The following RBMS1 variants were observed in gnomAD, a reference collection of about 807,000 sequenced individuals.
RBMS1 encodes the protein RNA binding motif single stranded interacting protein 1, also known as RNA-binding motif, single-stranded-interacting protein 1.
RBMS1 carries 17 observed loss-of-function variants against 62.3 expected under a neutral mutation model. That is an observed-to-expected ratio of 0.27 (90% confidence interval 0.19 to 0.41). RBMS1 has a LOEUF of 0.41. RBMS1 is among the 10% of genes least tolerant of loss of function. The pLI, the probability that RBMS1 is intolerant of heterozygous loss-of-function variation, is 1.00. For synonymous variants in RBMS1, 172 were observed against 170.0 expected (o/e 1.01, Z -0.09); for missense variants, 334 against 504.5 (o/e 0.66, Z 3.24).
At chr2:160,454,845 C>A (rs1684152089) in intron 1 of RBMS1, among the ~76,000 whole-genome samples, 1 of 152,140 alleles carries the variant, frequency 6.6e-6, no homozygotes, top group African/African-American at 2.4e-5. Flanking sequence ...ATTGAAATTT[C>A]TTTTAGGTAG....
rs1691196952 is a variant in RBMS1, at chr2:160,330,401, T to A, written c.252-12174A>T. On this transcript the variant is annotated intron_variant, in intron 2 of 13. Coordinates refer to ENST00000348849, the MANE Select transcript of RBMS1 (RefSeq NM_016836.4). ...TAAATCAGGTCATTGGTGGCACACT[T>A]ATCAAATATATAAATGTCCCAAAGC... is the stretch of plus-strand genomic sequence containing the variant. 3.3e-5 allele frequency among the ~76,000 whole-genome samples: 5 copies of A among 152,282 alleles called. No homozygotes were observed. In the South Asian group the frequency reaches 1.0e-3, roughly 32 times the overall value.
chr2:160,325,715 A>C lies in RBMS1; in HGVS notation c.252-7488T>G, dbSNP rs117449867. 1.0e-3 allele frequency among the ~76,000 whole-genome samples: 152 copies of C among 152,320 alleles called. 5 individuals are homozygous for C. The East Asian group carries it at 0.028, about 28-fold the overall frequency. ...TTTTTGGAGAATGAGGCCTAAAAATAGTAGAAAGGGTCATTACCCATGTTA... is the reference window on the plus strand; with the variant it reads ...TTTTTGGAGAATGAGGCCTAAAAATCGTAGAAAGGGTCATTACCCATGTTA... On this transcript the variant is annotated intron_variant, in intron 2 of 13. Transcript: ENST00000348849.
At chr2:160,429,408 T>C (rs1682795383) in intron 1 of RBMS1, among the ~76,000 whole-genome samples, 1 of 152,190 alleles carries the variant, frequency 6.6e-6, no homozygotes, top group Admixed American at 6.5e-5. Context: ...AGTAAGCTCT[T>C]GGAAAAAATA....
intron 1 of RBMS1, among the ~76,000 whole-genome samples, chr2:160,439,192 G>A (rs1372607398): frequency 2.4e-4 from 37 of 151,208 alleles, no homozygotes; most frequent in Non-Finnish European, 1.5e-5. Context: ...CGGACGGGGG[G>A]CTGACCCCCC....
Position 160,284,974 on chromosome 2 carries a change from G to A in RBMS1, c.806+21C>T, listed in dbSNP as rs1191282416. 4.4e-6 allele frequency: 7 copies of A among 1,606,896 alleles called. No homozygotes were observed. The Admixed American group carries it at 1.2e-4, about 27-fold the overall frequency. ...TTCACATTTTCCCTCAAGCCATTAT[G>A]GATTTATTTTAACGACATACCCGTT... On this transcript the variant is annotated intron_variant, in intron 8 of 13. Transcript: ENST00000348849.
At chr2:160,325,794 C>A (rs73000629) in intron 2 of RBMS1, among the ~76,000 whole-genome samples, 7,881 of 152,154 alleles carry the variant, frequency 0.052, 303 homozygotes, top group African/African-American at 0.11. Context: ...CCTTTATTTA[C>A]TTGGCATGTA....
intron 9 of RBMS1, chr2:160,283,240 T>C (rs2105933259): frequency 6.6e-6 from 1 of 152,312 alleles, no homozygotes; most frequent in East Asian, 1.9e-4. Flanking sequence ...CTATTTTCAG[T>C]GACATATAAA....
intron 1 of RBMS1, among the ~76,000 whole-genome samples, chr2:160,385,209 T>C (rs929249831): frequency 6.6e-6 from 1 of 152,180 alleles, no homozygotes; most frequent in Non-Finnish European, 1.5e-5. Context: ...TAACACAATG[T>C]TCATCTCTAA....
At chr2:160,323,608 G>GAAAAAAAAAAAA (rs1491379305) in intron 2 of RBMS1, among the ~76,000 whole-genome samples, 2 of 84,738 alleles carry the variant, frequency 2.4e-5, no homozygotes, top group African/African-American at 4.4e-5. Context: ...AGAATTTCAT[G>GAAAAAAAAAAAA]AAAGAAAAAA....
chr2:160,469,172 A>G (rs1273634864), intron 1 of RBMS1, among the ~76,000 whole-genome samples: 1 of 152,254 alleles, frequency 6.6e-6, no homozygotes, highest in African/African-American at 2.4e-5. Flanking sequence ...CATACAAATT[A>G]GACATATCAT....
At chr2:160,311,222 A>C (rs1437071755) in intron 4 of RBMS1, among the ~76,000 whole-genome samples, 9,262 of 74,290 alleles carry the variant, frequency 0.12, 620 homozygotes, top group East Asian at 0.2. Flanking sequence ...CTATCTATCT[A>C]TCTATCTATC....
At chr2:160,412,584 C>T (rs1277275677) in intron 1 of RBMS1, among the ~76,000 whole-genome samples, 1 of 152,156 alleles carries the variant, frequency 6.6e-6, no homozygotes, top group Non-Finnish European at 1.5e-5. Context: ...TACTTGTAAA[C>T]CATAGAGCGC....
chr2:160,392,077 G>A (rs1274333632), intron 1 of RBMS1, among the ~76,000 whole-genome samples: 2 of 152,130 alleles, frequency 1.3e-5, no homozygotes, highest in African/African-American at 2.4e-5. Context: ...AGTCAAGATT[G>A]AGCTCTTAAT....
intron 1 of RBMS1, among the ~76,000 whole-genome samples, chr2:160,399,615 A>G (rs1035122808): frequency 1.1e-4 from 16 of 152,172 alleles, no homozygotes; most frequent in African/African-American, 3.9e-4. Flanking sequence ...GTTTAAACAA[A>G]AGAACTATTC....
chr2:160,393,667 C>T (rs1315708481), intron 1 of RBMS1, among the ~76,000 whole-genome samples: 1 of 151,740 alleles, frequency 6.6e-6, no homozygotes, highest in African/African-American at 2.4e-5. Context: ...ATCCCAGCTA[C>T]TCGGGAGGCT....
At chr2:160,448,849 G>A (rs1354953298) in intron 1 of RBMS1, among the ~76,000 whole-genome samples, 1 of 151,922 alleles carries the variant, frequency 6.6e-6, no homozygotes, top group African/African-American at 2.4e-5. Flanking sequence ...AGGAAGTGAG[G>A]AGCGTCTCTG....
At chr2:160,374,741 C>T (rs1693904247) in intron 1 of RBMS1, among the ~76,000 whole-genome samples, 6 of 152,014 alleles carry the variant, frequency 3.9e-5, no homozygotes, top group Admixed American at 3.9e-4. Context: ...ACCAGCCTGA[C>T]CAATATGGTG....
intron 1 of RBMS1, among the ~76,000 whole-genome samples, chr2:160,483,357 G>A (rs1685448252): frequency 6.6e-6 from 1 of 152,088 alleles, no homozygotes; most frequent in South Asian, 2.1e-4. Context: ...AATCTCATTA[G>A]GAGTATACAT....
intron 1 of RBMS1, among the ~76,000 whole-genome samples, chr2:160,461,248 C>CG (rs1288604470): frequency 1.1e-4 from 16 of 147,050 alleles, no homozygotes. Flanking sequence ...GACTCCATCT[C>CG]GAAAGAAAGA....
Sources: gnomAD v4.1 joint callset for allele counts (sites outside exome capture counted in the v4.1 genomes callset) on GRCh38, gnomAD v4.1.1 for gene constraint, MANE v1.5 for transcripts, NCBI Gene and HGNC (gene_info 2026-07-23, HGNC 2026-07-21) for gene names.